TLK1: variants seen among roughly 807,000 people sequenced by gnomAD.
TLK1 encodes tousled like kinase 1, also known as serine/threonine-protein kinase tousled-like 1.
In TLK1, 24 loss-of-function variants were observed where a neutral mutation model predicts 105.3. The ratio of observed to expected loss-of-function variants is 0.23; its 90% CI spans 0.17 to 0.32. The LOEUF is 0.32. TLK1 is among the 10% of genes least tolerant of loss of function. The pLI, the probability that TLK1 is intolerant of heterozygous loss-of-function variation, is 1.00. For missense variants in TLK1, 558 were observed against 910.5 expected, an observed-to-expected ratio of 0.61 and a Z score of 4.98; for synonymous variants, 321 against 310.4, an observed-to-expected ratio of 1.03 and a Z score of -0.36.
intron 12 of TLK1, among the ~76,000 whole-genome samples, chr2:171,017,658 CT>C (rs1447131600): frequency 6.6e-6 from 1 of 152,064 alleles, no homozygotes; most frequent in Non-Finnish European, 1.5e-5. Flanking sequence ...TTAAAGCAAG[CT>C]TTTTTTATTT....
chr2:171,201,475 A>G (rs1446548031), intron 1 of TLK1, among the ~76,000 whole-genome samples: 1 of 152,222 alleles, frequency 6.6e-6, no homozygotes, highest in Non-Finnish European at 1.5e-5. Context: ...TGTGTCATGT[A>G]TCCAGCCACT....
intron 1 of TLK1, among the ~76,000 whole-genome samples, chr2:171,184,725 A>G (rs1692992437): frequency 6.6e-6 from 1 of 152,146 alleles, no homozygotes; most frequent in African/African-American, 2.4e-5. Flanking sequence ...TTCCTACTAA[A>G]TTAAAATGTC....
intron 1 of TLK1, among the ~76,000 whole-genome samples, chr2:171,188,110 A>T (rs60729063): frequency 2.1e-4 from 32 of 152,158 alleles, no homozygotes; most frequent in African/African-American, 6.0e-4. Flanking sequence ...AGTGAAATTC[A>T]CTCATCCCTT....
chr2:171,033,544 A>G (rs1321555356), intron 11 of TLK1, among the ~76,000 whole-genome samples: 1 of 151,764 alleles, frequency 6.6e-6, no homozygotes, highest in Non-Finnish European at 1.5e-5. Flanking sequence ...TATATTGTAC[A>G]TTTAAAATAA....
intron 1 of TLK1, among the ~76,000 whole-genome samples, chr2:171,131,754 ATCCCACTCATAG>A (rs1691114523): frequency 6.6e-6 from 1 of 152,194 alleles, no homozygotes; most frequent in African/African-American, 2.4e-5. Context: ...AGCCAAAAAA[ATCCCACTCATAG>A]TCCTACCACC....
At chr2:171,196,721 T>C (rs1693282826) in intron 1 of TLK1, among the ~76,000 whole-genome samples, 1 of 152,182 alleles carries the variant, frequency 6.6e-6, no homozygotes, top group South Asian at 2.1e-4. Flanking sequence ...AATGGTATGG[T>C]ATCTGAAGGC....
intron 1 of TLK1, among the ~76,000 whole-genome samples, chr2:171,188,867 T>C: frequency 6.7e-6 from 1 of 149,310 alleles, no homozygotes; most frequent in East Asian, 2.0e-4. Flanking sequence ...AAAGCAAGAT[T>C]CTGTCTAAAA....
rs1281677898 is a variant in TLK1 at position 171,053,613 on chromosome 2, G to C, written c.732+148C>G. On this transcript the variant is annotated intron_variant, in intron 8 of 20. Coordinates refer to ENST00000431350, the MANE Select transcript of TLK1 (RefSeq NM_012290.5). ...CTCAACCTTGTGATCTGCCCGCCTCGACCTCCCAAAGTGCTGGGATTACAG... is the reference window on the plus strand; with the variant it reads ...CTCAACCTTGTGATCTGCCCGCCTCCACCTCCCAAAGTGCTGGGATTACAG... 14 of 551,660 alleles carry C rather than the reference G, an allele frequency of 2.5e-5. No homozygotes were observed. In the South Asian group the frequency reaches 3.6e-4, roughly 14 times the overall value. The allele number at this position is 551,660 out of a possible 1,614,324, so 34.2% of individuals were successfully genotyped here. A position where few individuals can be genotyped will look rare whatever the true frequency, so the allele number is the denominator to read the frequency against.
At chr2:171,062,350 T>C (rs1687794502) in intron 3 of TLK1, among the ~76,000 whole-genome samples, 1 of 152,244 alleles carries the variant, frequency 6.6e-6, no homozygotes, top group African/African-American at 2.4e-5. Context: ...AGGGATTTAA[T>C]CCGTATTTTC....
In TLK1 at chr2:171,218,296, CAAA is replaced by C. The variant is rs544807696; in HGVS notation, c.-6+12846_-6+12848del. Reference sequence around the variant, plus strand: ...CAACAACAACAACAAATAACAACAACAAAAAAAAAACAGAGTAGTCAAATTCAT... The same window carrying C: ...CAACAACAACAACAAATAACAACAACAAAAAAACAGAGTAGTCAAATTCAT... On this transcript the variant is annotated intron_variant, in intron 1 of 20. Coordinates refer to the TLK1 transcript ENST00000521943. Among the ~76,000 whole-genome samples the C allele has an allele frequency of 1.6e-4, 24 of 151,978 alleles. No individual in the cohort carries two copies. In the South Asian group the frequency reaches 3.5e-3, roughly 22 times the overall value.
intron 19 of TLK1, 114 bp from the exon 20 acceptor site, chr2:170,996,874 A>C: frequency 1.2e-6 from 1 of 843,100 alleles, no homozygotes; most frequent in Non-Finnish European, 1.8e-6. Flanking sequence ...TTGTGTTCTA[A>C]AATCTTCCTC....
In TLK1 at chr2:171,131,772, C is replaced by T. The variant is rs575470928; in HGVS notation, c.140-13915G>A. ...CAAAAAAATCCCACTCATAGTCCTACCACCCAAAGATAACCAATGTCAACA... is the reference window on the plus strand; with the variant it reads ...CAAAAAAATCCCACTCATAGTCCTATCACCCAAAGATAACCAATGTCAACA... On this transcript the variant is annotated intron_variant, in intron 1 of 20. Coordinates refer to ENST00000431350, the MANE Select transcript of TLK1 (RefSeq NM_012290.5). Among the ~76,000 whole-genome samples the T allele has an allele frequency of 6.6e-5, 10 of 152,038 alleles. No individual in the cohort carries two copies. The East Asian group carries it at 1.9e-3, about 29-fold the overall frequency.
chr2:171,032,797 G>A (rs1398061049), intron 11 of TLK1, among the ~76,000 whole-genome samples: 1 of 152,060 alleles, frequency 6.6e-6, no homozygotes, highest in Non-Finnish European at 1.5e-5. Context: ...AAATGATGCT[G>A]GGACAACTAG....
chr2:171,107,115 T>C (rs1689963655), intron 2 of TLK1, among the ~76,000 whole-genome samples: 2 of 152,214 alleles, frequency 1.3e-5, no homozygotes, highest in African/African-American at 2.4e-5. Context: ...TGTCTAGCAG[T>C]GTCCCAGGAG....
Position 171,055,070 on chromosome 2 carries a change from A to C in TLK1, c.639+13T>G, listed in dbSNP as rs753883948. 1 of 1,421,378 alleles carries C rather than the reference A, an allele frequency of 7.0e-7. No homozygotes were observed. The allele number at this position is 1,421,378 out of a possible 1,614,324, so 88.0% of individuals were successfully genotyped here. A position where few individuals can be genotyped will look rare whatever the true frequency, so the allele number is the denominator to read the frequency against. ...TAGAAGCCATAGAAAAAAACATTTT[A>C]ATTATCATTTACCTGAATAATTTTA... On this transcript the variant is annotated intron_variant, in intron 7 of 20. Coordinates refer to ENST00000431350, the MANE Select transcript of TLK1 (RefSeq NM_012290.5).
rs1300246601 is a variant in TLK1, at chr2:171,160,329, G to A, written c.100C>T (p.Leu34=). ...TPGSAAAARS[L]LNHTPPSGRP... is the part of the protein sequence containing the mutation. ...CCGGATGGCGGCGTGTGATTCAGCA[G>A]GGACCTGGCCGCCGCCGCCGAGCCC... The change falls in exon 1 of 21, where the codon CTG becomes TTG. Residue 34 remains leucine (L), a synonymous_variant. Transcript: ENST00000431350. This position sits in a 1 kb window ranked among gnomAD's most constrained non-coding sequence, Gnocchi z 4.4. 1.9e-6 allele frequency: 3 copies of A among 1,602,426 alleles called. No individual in the cohort carries two copies. The highest frequency in any genetic ancestry group is 2.6e-6 in the Non-Finnish European group (3 of 1,175,544).
intron 1 of TLK1, among the ~76,000 whole-genome samples, chr2:171,188,652 A>G (rs2105312225): frequency 6.7e-6 from 1 of 150,360 alleles, no homozygotes; most frequent in East Asian, 2.0e-4. Context: ...GGTTGCAGTG[A>G]GCCAAGATTG....
chr2:170,994,852 T>C (rs964340764), intron 20 of TLK1: 5 of 365,452 alleles, frequency 1.4e-5, no homozygotes, highest in African/African-American at 4.2e-5. Flanking sequence ...TCATCCTTTT[T>C]TGGGGGGGGA....
At chr2:171,048,888 A>G (rs548381568) in intron 10 of TLK1, among the ~76,000 whole-genome samples, 8 of 152,302 alleles carry the variant, frequency 5.3e-5, no homozygotes, top group Admixed American at 4.6e-4. Flanking sequence ...GTTTAAAAAA[A>G]TTTTCCACCA....
Sources: allele counts gnomAD v4.1 joint callset (sites outside exome capture counted in the v4.1 genomes callset), GRCh38; gene constraint gnomAD v4.1.1; non-coding constraint Gnocchi (gnomAD v3.1); transcripts MANE v1.5; gene names NCBI Gene and HGNC (gene_info 2026-07-23, HGNC 2026-07-21).